Variants in CYP2C19 observed in about 807,000 individuals in gnomAD.
CYP2C19 encodes cytochrome P450 family 2 subfamily C member 19, also known as cytochrome P450 2C19.
A neutral mutation model predicts 40.9 loss-of-function variants in CYP2C19; 59 were observed. The observed-to-expected ratio is 1.44, with a 90% confidence interval of 1.17 to 1.79. The LOEUF is 1.79. CYP2C19 is among the 40% of genes most tolerant of loss of function. The pLI is 0.00. For missense variants in CYP2C19, 754 were observed against 596.9 expected (o/e 1.26, Z -2.74); for synonymous variants, 253 against 208.7 (o/e 1.21, Z -1.83).
chr10:94,804,734 C>T (rs536618536), intron 5 of CYP2C19, among the ~76,000 whole-genome samples: 112 of 152,228 alleles, frequency 7.4e-4, no homozygotes, highest in African/African-American at 2.5e-3. Flanking sequence ...ATTTTCCTCC[C>T]CAGGTATCTT....
chr10:94,810,271 T>A (rs1281697401), intron 5 of CYP2C19, among the ~76,000 whole-genome samples: 1 of 152,224 alleles, frequency 6.6e-6, no homozygotes, highest in African/African-American at 2.4e-5. Context: ...GAAGTGCTGC[T>A]GGATTCAGTT....
At chr10:94,768,639 A>G (rs777277010) in intron 1 of CYP2C19, among the ~76,000 whole-genome samples, 1 of 152,110 alleles carries the variant, frequency 6.6e-6, no homozygotes, top group Non-Finnish European at 1.5e-5. Flanking sequence ...CTTTCCTTGT[A>G]TTATTTTGAT....
chr10:94,829,368 TA>T (rs1849289827), intron 6 of CYP2C19, among the ~76,000 whole-genome samples: 1 of 152,226 alleles, frequency 6.6e-6, no homozygotes, highest in African/African-American at 2.4e-5. Flanking sequence ...CATTTCTTTT[TA>T]TTCTTTTTAC....
Position 94,830,050 on chromosome 10 carries a change from C to T in CYP2C19, c.961+9413C>T, listed in dbSNP as rs1224825191. On this transcript the variant is annotated intron_variant, in intron 6 of 8. Coordinates refer to ENST00000371321, the MANE Select transcript of CYP2C19 (RefSeq NM_000769.4). ...GCTGCATGCTGGGAGAACCACTGCT[C>T]TCTTCAAAGCTGTCAGACAGGGACA... is the stretch of plus-strand genomic sequence containing the variant. Among the ~76,000 whole-genome samples the T allele has an allele frequency of 5.3e-5, 8 of 152,300 alleles. No homozygotes were observed. In the East Asian group the frequency reaches 1.5e-3, roughly 29 times the overall value.
chr10:94,806,066 A>G (rs1416738394), intron 5 of CYP2C19, among the ~76,000 whole-genome samples: 1 of 135,634 alleles, frequency 7.4e-6, no homozygotes, highest in Admixed American at 8.8e-5. Context: ...TCTCCTTTCC[A>G]CCGTCCCGTG....
At chr10:94,845,985 C>A (rs1458202533) in intron 7 of CYP2C19, among the ~76,000 whole-genome samples, 2 of 151,958 alleles carry the variant, frequency 1.3e-5, no homozygotes, top group African/African-American at 4.8e-5. Flanking sequence ...ATATGTAGCC[C>A]AATAACAATG....
At chr10:94,789,190 G>T (rs1848577677) in intron 5 of CYP2C19, among the ~76,000 whole-genome samples, 1 of 151,700 alleles carries the variant, frequency 6.6e-6, no homozygotes, top group South Asian at 2.1e-4. Context: ...TTTTGATGGG[G>T]TTGTTTTTTT....
chr10:94,853,187 G>C lies in CYP2C19; in HGVS notation c.*273G>C. On this transcript the variant is annotated 3_prime_UTR_variant, in exon 9 of 9. Coordinates refer to ENST00000371321, the MANE Select transcript of CYP2C19 (RefSeq NM_000769.4). ...AACATATTATTATTAAATAGAGAAAGATGATTTGTGTATTATAATTCAAAG... is the reference window on the plus strand; with the variant it reads ...AACATATTATTATTAAATAGAGAAACATGATTTGTGTATTATAATTCAAAG... The C allele has an allele frequency of 2.3e-6, 1 of 431,828 alleles. No homozygotes were observed. The highest frequency in any genetic ancestry group is 4.1e-6 in the Non-Finnish European group (1 of 245,432). The allele number at this position is 431,828 out of a possible 1,614,324, so 26.7% of individuals were successfully genotyped here.
intron 6 of CYP2C19, among the ~76,000 whole-genome samples, chr10:94,838,766 C>T (rs540560034): frequency 6.6e-6 from 1 of 151,996 alleles, no homozygotes; most frequent in Non-Finnish European, 1.5e-5. Context: ...CGAGTTGTCT[C>T]TTAATGAAAA....
chr10:94,793,149 C>T (rs1848626756), intron 5 of CYP2C19, among the ~76,000 whole-genome samples: 1 of 152,150 alleles, frequency 6.6e-6, no homozygotes, highest in South Asian at 2.1e-4. Flanking sequence ...ATTGAATCGG[C>T]TACTGAAGCT....
intron 5 of CYP2C19, among the ~76,000 whole-genome samples, chr10:94,818,419 C>T (rs1849049460): frequency 6.6e-6 from 1 of 152,030 alleles, no homozygotes; most frequent in Admixed American, 6.6e-5. Context: ...TTCTCCAATT[C>T]TGTGAAGAAA....
intron 5 of CYP2C19, among the ~76,000 whole-genome samples, chr10:94,808,599 C>T (rs754112795): frequency 3.9e-5 from 6 of 152,112 alleles, no homozygotes; most frequent in Non-Finnish European, 5.9e-5. Flanking sequence ...TCCCTCCCAG[C>T]CTCTGGTAAC....
intron 5 of CYP2C19, 52 bp from the exon 6 acceptor site, chr10:94,820,444 T>C: frequency 3.1e-6 from 5 of 1,600,478 alleles, no homozygotes; most frequent in Non-Finnish European, 4.3e-6. Flanking sequence ...TTTACTGTCA[T>C]CAAATATGCT....
Position 94,854,904 on chromosome 10 carries a change from A to G in CYP2C19, c.*1990A>G, listed in dbSNP as rs1849709178. Among the ~76,000 whole-genome samples, 1 of 152,206 alleles carries G rather than the reference A, an allele frequency of 6.6e-6. No homozygotes were observed. Among genetic ancestry groups the G allele is most frequent in the Non-Finnish European group, 1.5e-5 (1 of 68,024 alleles). Reference sequence around the variant, plus strand: ...GGAAAGATACAGATGGAAATTACACATTATACATTTTAAACATTCTTCATT... The same window carrying G: ...GGAAAGATACAGATGGAAATTACACGTTATACATTTTAAACATTCTTCATT... On this transcript the variant is annotated 3_prime_UTR_variant, in exon 9 of 9. Coordinates refer to ENST00000371321, the MANE Select transcript of CYP2C19 (RefSeq NM_000769.4).
chr10:94,777,533 C>G (rs1480832140), intron 3 of CYP2C19, among the ~76,000 whole-genome samples: 1 of 152,056 alleles, frequency 6.6e-6, no homozygotes, highest in African/African-American at 2.4e-5. Context: ...ACAAACCTGA[C>G]AAAAACAAGC....
At chr10:94,834,032 A>G (rs1234849325) in intron 6 of CYP2C19, among the ~76,000 whole-genome samples, 1 of 152,132 alleles carries the variant, frequency 6.6e-6, no homozygotes, top group Non-Finnish European at 1.5e-5. Flanking sequence ...GTTTGGAAGT[A>G]TTCTCTTCTC....
intron 1 of CYP2C19, among the ~76,000 whole-genome samples, chr10:94,769,466 C>T (rs1020094857): frequency 6.6e-6 from 1 of 152,138 alleles, no homozygotes; most frequent in Non-Finnish European, 1.5e-5. Context: ...CCTTGAGGTC[C>T]AGAACAGTGA....
At chr10:94,764,360 A>G (rs1006850619) in intron 1 of CYP2C19, among the ~76,000 whole-genome samples, 2 of 152,154 alleles carry the variant, frequency 1.3e-5, no homozygotes, top group African/African-American at 4.8e-5. Flanking sequence ...ACCTTTAGCT[A>G]GACACAGAGA....
intron 6 of CYP2C19, among the ~76,000 whole-genome samples, chr10:94,837,471 T>C (rs1026531075): frequency 1.3e-5 from 2 of 152,178 alleles, no homozygotes; most frequent in Non-Finnish European, 2.9e-5. Flanking sequence ...TTCCTTCTCC[T>C]ATGTTCAGGT....
Sources: allele counts gnomAD v4.1 joint callset (sites outside exome capture counted in the v4.1 genomes callset), GRCh38; gene constraint gnomAD v4.1.1; transcripts MANE v1.5; gene names NCBI Gene and HGNC (gene_info 2026-07-23, HGNC 2026-07-21).